NECAB2: variants seen among roughly 807,000 people sequenced by gnomAD.
NECAB2 encodes the protein N-terminal EF-hand calcium binding protein 2.
In NECAB2, 68 loss-of-function variants were observed where a neutral mutation model predicts 51.9. That is an observed-to-expected ratio of 1.31 (90% confidence interval 1.08 to 1.60). The LOEUF is 1.60. Among genes scored for constraint, NECAB2 ranks in the 40% most tolerant of loss-of-function variants. The pLI is 0.00. For missense variants in NECAB2, 854 were observed against 490.3 expected (o/e 1.74, Z -7.00); for synonymous variants, 329 against 203.5 (o/e 1.62, Z -5.25).
intron 2 of NECAB2, among the ~76,000 whole-genome samples, chr16:83,975,807 AGCAAAGACACCT>A (rs1374019388): frequency 1.3e-5 from 2 of 152,196 alleles, no homozygotes; most frequent in African/African-American, 4.8e-5. Flanking sequence ...TGTGCTAATT[AGCAAAGACACCT>A]GCAAACGGCC....
At chr16:83,977,655 C>T (rs1387595897) in intron 2 of NECAB2, among the ~76,000 whole-genome samples, 5 of 152,094 alleles carry the variant, frequency 3.3e-5, no homozygotes, top group Non-Finnish European at 7.4e-5. Flanking sequence ...AGAGCGTTGG[C>T]ACCTCCAGGC....
At chr16:83,976,857 T>A (rs948164318) in intron 2 of NECAB2, among the ~76,000 whole-genome samples, 2 of 152,222 alleles carry the variant, frequency 1.3e-5, no homozygotes, top group Non-Finnish European at 2.9e-5. Flanking sequence ...GAGCTTATGC[T>A]CTCACCCTGT....
chr16:83,994,268 C>G (rs1388257067), intron 6 of NECAB2, 34 bp from the exon 7 acceptor site: 1 of 1,605,656 alleles, frequency 6.2e-7, no homozygotes, highest in Admixed American at 1.7e-5. Flanking sequence ...GAAGCCACCG[C>G]CATGGTCTGT....
In NECAB2 at chr16:83,992,800, G is replaced by A. The variant is rs574523142; in HGVS notation, c.597-1502G>A. ...GACTGGAGCCCAGAACTCTGCACATGTGGTCAGTCTTGTGATTCTTGGGTG... is the reference window on the plus strand; with the variant it reads ...GACTGGAGCCCAGAACTCTGCACATATGGTCAGTCTTGTGATTCTTGGGTG... On this transcript the variant is annotated intron_variant, in intron 6 of 12. Transcript: ENST00000305202. Among the ~76,000 whole-genome samples, 10 of 152,190 alleles carry A rather than the reference G, an allele frequency of 6.6e-5. No homozygotes were observed. The South Asian group carries it at 1.2e-3, about 19-fold the overall frequency.
rs2084313824 is a variant in NECAB2 at position 83,968,595 on chromosome 16, C to A, written c.-54C>A. The A allele has an allele frequency of 3.1e-6, 3 of 974,962 alleles. No homozygotes were observed. Among genetic ancestry groups the A allele is most frequent in the Non-Finnish European group, 3.6e-6 (3 of 823,696 alleles). The allele number at this position is 974,962 out of a possible 1,614,324, so 60.4% of individuals were successfully genotyped here. A position where few individuals can be genotyped will look rare whatever the true frequency, so the allele number is the denominator to read the frequency against. Reference sequence around the variant, plus strand: ...GGGAGGGGGTCGCGCGGGGGCGGGCCGCAGCTGGGCGGGGGTCGGCGGGCT... The same window carrying A: ...GGGAGGGGGTCGCGCGGGGGCGGGCAGCAGCTGGGCGGGGGTCGGCGGGCT... On this transcript the variant is annotated 5_prime_UTR_variant, in exon 1 of 13. Transcript: ENST00000305202.
intron 9 of NECAB2, 140 bp from the exon 10 acceptor site, chr16:83,998,065 A>G: frequency 2.7e-6 from 2 of 727,564 alleles, no homozygotes; most frequent in Non-Finnish European, 4.5e-6. Flanking sequence ...GTCCATTCTT[A>G]TCCATTCATG....
intron 10 of NECAB2, among the ~76,000 whole-genome samples, chr16:84,000,043 G>C (rs2084793619): frequency 6.8e-6 from 1 of 146,664 alleles, no homozygotes; most frequent in Non-Finnish European, 1.5e-5. Context: ...TGTGCCACCA[G>C]GCCCAGCAAG....
Position 84,001,930 on chromosome 16 carries a change from G to A in NECAB2, c.1132+14G>A. The A allele has an allele frequency of 6.2e-7, 1 of 1,612,426 alleles. No homozygotes were observed. The highest frequency in any genetic ancestry group is 8.5e-7 in the Non-Finnish European group (1 of 1,178,928). On this transcript the variant is annotated intron_variant, in intron 12 of 12. Transcript: ENST00000305202. Reference sequence around the variant, plus strand: ...TCTTGGTGCCAGGTAGGGGGCAAAGGCCTGGAACTGCAGTGGCCACCTGAC... The same window carrying A: ...TCTTGGTGCCAGGTAGGGGGCAAAGACCTGGAACTGCAGTGGCCACCTGAC...
At chr16:83,980,184 G>A (rs990168712) in intron 3 of NECAB2, among the ~76,000 whole-genome samples, 1 of 152,190 alleles carries the variant, frequency 6.6e-6, no homozygotes. Flanking sequence ...TCCTTATCCA[G>A]ACCATCTCTA....
chr16:83,985,395 G>A (rs2084540673), intron 5 of NECAB2, among the ~76,000 whole-genome samples: 1 of 149,934 alleles, frequency 6.7e-6, no homozygotes, highest in Admixed American at 6.7e-5. Context: ...AGCACTTTGG[G>A]AGGCCGAGGC....
intron 1 of NECAB2, among the ~76,000 whole-genome samples, chr16:83,970,574 G>C (rs2084337204): frequency 6.6e-6 from 1 of 152,120 alleles, no homozygotes; most frequent in African/African-American, 2.4e-5. Flanking sequence ...TGGGGGGCGA[G>C]GGCATCTGTC....
At chr16:83,970,042 C>T (rs2084332015) in intron 1 of NECAB2, among the ~76,000 whole-genome samples, 11 of 152,312 alleles carry the variant, frequency 7.2e-5, no homozygotes, top group Admixed American at 7.2e-4. Flanking sequence ...GAGACACACC[C>T]ATGCAGCCAA....
intron 7 of NECAB2, 48 bp from the exon 8 acceptor site, chr16:83,994,561 C>T (rs763637251): frequency 1.9e-6 from 3 of 1,611,730 alleles, no homozygotes; most frequent in South Asian, 2.2e-5. Context: ...CCCCGAAGCC[C>T]TCGTCCTGCC....
At chr16:83,980,288 C>G (rs188744797) in intron 3 of NECAB2, among the ~76,000 whole-genome samples, 123 of 152,324 alleles carry the variant, frequency 8.1e-4, no homozygotes, top group African/African-American at 2.8e-3. Flanking sequence ...TGGGGCCGGT[C>G]TGTGCTCCTT....
At position 84,002,688 on chromosome 16, in the gene NECAB2, A is replaced by G. The variant is rs144893824; in HGVS notation, c.*342A>G. ...CTGCCCTCTTCGGTGACATTCTTCT[A>G]CCTAGTAGGAGTCATGCCCCTGTAG... is the stretch of plus-strand genomic sequence containing the variant. On this transcript the variant is annotated 3_prime_UTR_variant, in exon 13 of 13. Transcript: ENST00000305202. 18 of 373,602 alleles carry G rather than the reference A, an allele frequency of 4.8e-5. No homozygotes were observed. The highest frequency in any genetic ancestry group is 8.0e-5 in the Non-Finnish European group (16 of 199,034). The allele number at this position is 373,602 out of a possible 1,614,324, so 23.1% of individuals were successfully genotyped here.
intron 6 of NECAB2, chr16:83,993,330 T>C (rs1197848297): frequency 2.0e-5 from 3 of 152,248 alleles, no homozygotes; most frequent in Admixed American, 6.5e-5. Context: ...TCTGCCAGCC[T>C]CTCCCCTCCC....
At chr16:83,965,881 C>T, upstream of NECAB2, 1 of 1,612,896 alleles carries the variant, frequency 6.2e-7, no homozygotes, top group South Asian at 1.1e-5. Flanking sequence ...CCTACCAGAG[C>T]ACCCGCCAGG....
intron 10 of NECAB2, among the ~76,000 whole-genome samples, chr16:84,000,225 T>A (rs1013600967): frequency 6.6e-6 from 1 of 152,210 alleles, no homozygotes; most frequent in African/African-American, 2.4e-5. Context: ...TAAATAAATG[T>A]TCACACTTTA....
chr16:84,002,447 T>TCAATC lies in NECAB2; in HGVS notation c.*104_*108dup, dbSNP rs1203629451. The TCAATC allele has an allele frequency of 7.0e-7, 1 of 1,436,954 alleles. No homozygotes were observed. The highest frequency in any genetic ancestry group is 9.7e-7 in the Non-Finnish European group (1 of 1,026,024). 89.0% of individuals were successfully genotyped at this position (1,436,954 alleles called of 1,614,324 possible). A position where few individuals can be genotyped will look rare whatever the true frequency, so the allele number is the denominator to read the frequency against. ...GACACTTTGGTGCAGAAGCTTCTTTTCAATCCATCCTCCACAAGAAGGTGT... is the reference window on the plus strand; with the variant it reads ...GACACTTTGGTGCAGAAGCTTCTTTTCAATCCAATCCATCCTCCACAAGAAGGTGT... On this transcript the variant is annotated 3_prime_UTR_variant, in exon 13 of 13. Coordinates refer to ENST00000305202, the MANE Select transcript of NECAB2 (RefSeq NM_019065.3).
Sources: allele counts gnomAD v4.1 joint callset (sites outside exome capture counted in the v4.1 genomes callset), GRCh38; gene constraint gnomAD v4.1.1; transcripts MANE v1.5; gene names NCBI Gene and HGNC (gene_info 2026-07-23, HGNC 2026-07-21).